ERI1: variants seen among roughly 807,000 people sequenced by gnomAD.
The protein encoded by ERI1 is exoribonuclease 1, also known as 3'-5' exoribonuclease 1.
ERI1 carries 39 observed loss-of-function variants against 39.7 expected under a neutral mutation model. The ratio of observed to expected loss-of-function variants is 0.98; its 90% CI spans 0.76 to 1.28. The LOEUF (loss-of-function observed/expected upper bound fraction) is 1.28, where lower values mean the gene tolerates loss of function less well. Ranked by LOEUF, ERI1 falls within the 50% of genes most tolerant of loss-of-function variation. The pLI is 0.00. For missense variants in ERI1, 581 were observed against 416.9 expected (o/e 1.39, Z -3.43); for synonymous variants, 204 against 149.6 (o/e 1.36, Z -2.65).
rs992399073 is a variant in ERI1, at chr8:9,004,237, A to G, written c.108+1066A>G. On this transcript the variant is annotated intron_variant, in intron 1 of 6. Coordinates refer to ENST00000250263, the MANE Select transcript of ERI1 (RefSeq NM_153332.4). Reference sequence around the variant, plus strand: ...GTACTTGCACATCCCTTCTCTTGTAAAGAACCACTCTTCCACCTGCCTCCC... The same window carrying G: ...GTACTTGCACATCCCTTCTCTTGTAGAGAACCACTCTTCCACCTGCCTCCC... 5 of 1,238,844 alleles carry G rather than the reference A, an allele frequency of 4.0e-6. No homozygotes were observed. The Admixed American group carries it at 1.3e-4, about 33-fold the overall frequency. 76.7% of individuals were successfully genotyped at this position (1,238,844 alleles called of 1,614,324 possible). A position where few individuals can be genotyped will look rare whatever the true frequency, so the allele number is the denominator to read the frequency against.
At chr8:9,076,197 G>C (rs1799207489) in intron 3 of ERI1, among the ~76,000 whole-genome samples, 1 of 152,108 alleles carries the variant, frequency 6.6e-6, no homozygotes, top group African/African-American at 2.4e-5. Context: ...TCCTACCTCG[G>C]CCTCCCAAAG....
intron 3 of ERI1, among the ~76,000 whole-genome samples, chr8:9,014,415 T>TA (rs1817010331): frequency 6.6e-6 from 1 of 152,160 alleles, no homozygotes; most frequent in Non-Finnish European, 1.5e-5. Flanking sequence ...TGACCCCCCT[T>TA]ACTGCTCTAC....
At chr8:9,099,360 G>T (rs542248386) in intron 3 of ERI1, among the ~76,000 whole-genome samples, 1 of 152,130 alleles carries the variant, frequency 6.6e-6, no homozygotes, top group South Asian at 2.1e-4. Flanking sequence ...CCAGCACTTA[G>T]GGAGCCAGGA....
chr8:9,092,825 G>A (rs1487824522), intron 3 of ERI1, among the ~76,000 whole-genome samples: 1 of 152,236 alleles, frequency 6.6e-6, no homozygotes, highest in Admixed American at 6.5e-5. Context: ...TCCCAGAATT[G>A]TATTGGCTTA....
At chr8:9,089,868 A>T (rs1346287324) in intron 3 of ERI1, among the ~76,000 whole-genome samples, 2 of 152,070 alleles carry the variant, frequency 1.3e-5, no homozygotes, top group Non-Finnish European at 2.9e-5. Flanking sequence ...TGCTGGTGGG[A>T]ATGGAAATAA....
At chr8:9,059,017 G>A (rs947349453) in intron 3 of ERI1, among the ~76,000 whole-genome samples, 17 of 152,088 alleles carry the variant, frequency 1.1e-4, no homozygotes, top group African/African-American at 1.9e-4. Flanking sequence ...AAGAGTCAGC[G>A]AAGGGAGATA....
chr8:9,049,336 CAAAAAAAAAAAAAAA>C (rs3989371), intron 3 of ERI1, among the ~76,000 whole-genome samples: 73 of 33,252 alleles, frequency 2.2e-3, no homozygotes, highest in Admixed American at 4.2e-3. Flanking sequence ...ACTCCGTCTC[CAAAAAAAAAAAAAAA>C]AAAAAAAAAA....
chr8:9,055,825 C>G (rs2117384042), intron 3 of ERI1, among the ~76,000 whole-genome samples: 1 of 152,338 alleles, frequency 6.6e-6, no homozygotes, highest in South Asian at 2.1e-4. Flanking sequence ...CAGGCATGAG[C>G]CACTGTGCCC....
chr8:9,011,492 C>A, intron 2 of ERI1, 50 bp from the exon 3 acceptor site: 2 of 1,323,374 alleles, frequency 1.5e-6, no homozygotes, highest in East Asian at 2.4e-5. Context: ...AGTTTTGATT[C>A]TTGACTGTAG....
intron 3 of ERI1, among the ~76,000 whole-genome samples, chr8:9,044,236 T>C (rs1362820153): frequency 6.6e-6 from 1 of 152,224 alleles, no homozygotes; most frequent in East Asian, 1.9e-4. Context: ...CGAAAGGATG[T>C]CCTTGTTAGC....
At chr8:9,099,928 C>G (rs1312094363) in intron 3 of ERI1, 2 of 152,210 alleles carry the variant, frequency 1.3e-5, no homozygotes, top group African/African-American at 4.8e-5. Flanking sequence ...GGCCATCATT[C>G]TGTTCATGTC....
At chr8:9,009,032 G>T (rs755140976) in intron 2 of ERI1, 1 of 456,202 alleles carries the variant, frequency 2.2e-6, no homozygotes, top group South Asian at 1.5e-5. Context: ...TGTTATGAAG[G>T]TACAACTTGT....
At chr8:9,008,225 A>G in intron 2 of ERI1, 77 bp downstream of exon 2, 1 of 1,222,556 alleles carries the variant, frequency 8.2e-7, no homozygotes, top group South Asian at 1.7e-5. Context: ...TTGAAATATT[A>G]AAAATCATCT....
intron 1 of ERI1, 42 bp downstream of exon 1, chr8:9,003,213 C>T (rs1436065060): frequency 1.7e-6 from 2 of 1,194,194 alleles, no homozygotes; most frequent in South Asian, 4.1e-5. Flanking sequence ...GCCAGCTGCC[C>T]CGTCCCCAAA....
intron 3 of ERI1, among the ~76,000 whole-genome samples, chr8:9,070,232 G>A (rs1320095813): frequency 2.0e-5 from 3 of 150,598 alleles, no homozygotes; most frequent in Non-Finnish European, 4.4e-5. Flanking sequence ...GTGAGACGCT[G>A]TCTCAAAAAA....
At chr8:9,090,842 G>GA (rs1799679708) in intron 3 of ERI1, among the ~76,000 whole-genome samples, 1 of 152,180 alleles carries the variant, frequency 6.6e-6, no homozygotes, top group Admixed American at 6.5e-5. Flanking sequence ...GGCTTGAGAG[G>GA]AGAGTAAGAC....
At chr8:9,010,567 A>T (rs972542592) in intron 2 of ERI1, among the ~76,000 whole-genome samples, 1 of 152,152 alleles carries the variant, frequency 6.6e-6, no homozygotes, top group Admixed American at 6.5e-5. Context: ...AAAGACTAAA[A>T]AGGTTTTTTT....
At chr8:9,099,242 C>T (rs1585310372) in intron 3 of ERI1, among the ~76,000 whole-genome samples, 1 of 152,102 alleles carries the variant, frequency 6.6e-6, no homozygotes, top group East Asian at 1.9e-4. Context: ...CTTCTTCCTT[C>T]TCCCCAAGTA....
chr8:9,044,075 A>G (rs528023576), intron 3 of ERI1, among the ~76,000 whole-genome samples: 21 of 152,262 alleles, frequency 1.4e-4, no homozygotes, highest in African/African-American at 4.8e-4. Context: ...TGAGCTCCCA[A>G]TTTTCCTTAC....
Sources: gnomAD v4.1 joint callset for allele counts (sites outside exome capture counted in the v4.1 genomes callset) on GRCh38, gnomAD v4.1.1 for gene constraint, MANE v1.5 for transcripts, NCBI Gene and HGNC (gene_info 2026-07-23, HGNC 2026-07-21) for gene names.